The following PHKA2 variants were observed in gnomAD, a reference collection of about 807,000 sequenced individuals.
PHKA2 encodes phosphorylase kinase regulatory subunit alpha 2.
PHKA2 carries 31 observed loss-of-function variants against 102.0 expected under a neutral mutation model. That is an observed-to-expected ratio of 0.30 (90% CI 0.23 to 0.41). The LOEUF (loss-of-function observed/expected upper bound fraction) is 0.41. Among genes scored for constraint, PHKA2 ranks in the 10% least tolerant of loss-of-function variants. PHKA2 has a pLI of 1.00. For synonymous variants in PHKA2, 455 were observed against 416.2 expected, an observed-to-expected ratio of 1.09 and a Z score of -1.13; for missense variants, 858 against 1,023.1, an observed-to-expected ratio of 0.84 and a Z score of 2.20.
chrX:18,894,060 T>A (rs1275477466), intron 32 of PHKA2, 144 bp downstream of exon 32: 16 of 584,853 alleles, frequency 2.7e-5, no homozygotes, highest in Admixed American at 1.9e-4. Flanking sequence ...CACTGTACCA[T>A]TTTCTAAGCA....
At chrX:18,919,462 T>C (rs752015093) in intron 18 of PHKA2, among the ~76,000 whole-genome samples, 5 of 110,732 alleles carry the variant, frequency 4.5e-5, no homozygotes, top group Non-Finnish European at 3.8e-5. Flanking sequence ...CCCAGCACTT[T>C]GGGAGGACGA....
chrX:18,964,050 C>A (rs1370544427), intron 1 of PHKA2, among the ~76,000 whole-genome samples: 1 of 111,088 alleles, frequency 9.0e-6, no homozygotes, highest in Non-Finnish European at 1.9e-5. Flanking sequence ...TTCTCCAGTG[C>A]CTACAAGATA....
rs758348456 is a variant in PHKA2, at chrX:18,908,848, C to T, written c.2313G>A (p.Ser771=). ...GAATGTCTGCTTGGTCCTGTAGGTT[C>T]GAACAATCTTTTAGCTGCTCAACCA... ...EKLVEQLKDC[S]NLQDQADILY... is the part of the protein sequence containing the mutation. The change falls in exon 21 of 33, where the codon TCG becomes TCA. Residue 771 remains serine, a synonymous_variant. Coordinates refer to ENST00000379942, the MANE Select transcript of PHKA2 (RefSeq NM_000292.3). The T allele has an allele frequency of 7.4e-6, 9 of 1,210,100 alleles. No homozygotes were observed. The highest frequency in any genetic ancestry group is 6.5e-5 in the Admixed American group (3 of 46,014).
rs776841770 is a variant in PHKA2 at position 18,924,185 on chromosome X, G to T, written c.1715-51C>A. 6 of 977,024 alleles carry T rather than the reference G, an allele frequency of 6.1e-6. No individual in the cohort carries two copies. In the East Asian group the frequency reaches 1.8e-4, roughly 30 times the overall value. 80.5% of individuals were successfully genotyped at this position (977,024 alleles called of 1,213,427 possible). On this transcript the variant is annotated intron_variant, in intron 16 of 32. Transcript: ENST00000379942. ...TTTAGTCTGGGCAGACTTTTTTTCC[G>T]TTATGCACTGAAACATTTTCATCAA...
chrX:18,893,040 A>C lies in PHKA2; in HGVS notation c.*445T>G. On this transcript the variant is annotated 3_prime_UTR_variant, in exon 33 of 33. Coordinates refer to ENST00000379942, the MANE Select transcript of PHKA2 (RefSeq NM_000292.3). ...CACAGACAGACTGCATCCTGTGAAG[A>C]GGTGGCCCTTGTCAAGGCTACTGCC... 5.1e-6 allele frequency: 1 copy of C among 197,028 alleles called. No homozygotes were observed. The allele number at this position is 197,028 out of a possible 1,213,427, so 16.2% of individuals were successfully genotyped here. A position where few individuals can be genotyped will look rare whatever the true frequency, so the allele number is the denominator to read the frequency against.
At chrX:18,896,529 T>C (rs2147813406) in intron 30 of PHKA2, 1 of 115,347 alleles carries the variant, frequency 8.7e-6, no homozygotes, top group African/African-American at 3.2e-5. Flanking sequence ...GACCTGGGGC[T>C]AAACTGGAAG....
chrX:18,931,554 G>T, intron 12 of PHKA2, 87 bp downstream of exon 12: 1 of 664,131 alleles, frequency 1.5e-6, no homozygotes, highest in Admixed American at 2.2e-5. Flanking sequence ...CCACACGCAC[G>T]CCTGGCAGAG....
At chrX:18,955,894 T>C (rs1026250844) in intron 1 of PHKA2, among the ~76,000 whole-genome samples, 2 of 112,669 alleles carry the variant, frequency 1.8e-5, no homozygotes, top group Non-Finnish European at 3.7e-5. Flanking sequence ...GCATTCTATA[T>C]ATTGACATGG....
chrX:18,949,335 C>T (rs1434516031), intron 4 of PHKA2, among the ~76,000 whole-genome samples: 2 of 111,889 alleles, frequency 1.8e-5, no homozygotes, highest in Admixed American at 9.5e-5. Context: ...ATTCTGGAAG[C>T]TGCTATGGAT....
intron 11 of PHKA2, among the ~76,000 whole-genome samples, chrX:18,933,513 T>C (rs1004596409): frequency 7.1e-5 from 8 of 112,874 alleles, no homozygotes; most frequent in Non-Finnish European, 1.3e-4. Context: ...GAGGGCCTTA[T>C]GGTGCCCTGC....
chrX:18,938,794 C>T (rs760718596), intron 9 of PHKA2, 45 bp from the exon 10 acceptor site: 1 of 1,121,435 alleles, frequency 8.9e-7, no homozygotes, highest in Admixed American at 2.2e-5. Context: ...TGTCAGAATA[C>T]ATACATAATA....
intron 1 of PHKA2, among the ~76,000 whole-genome samples, chrX:18,964,371 G>A (rs1035836546): frequency 8.9e-6 from 1 of 112,015 alleles, no homozygotes; most frequent in African/African-American, 3.2e-5. Context: ...GGCCTCAGAC[G>A]AACCCTACCC....
intron 19 of PHKA2, among the ~76,000 whole-genome samples, chrX:18,911,625 A>G (rs1005821703): frequency 9.8e-5 from 11 of 112,348 alleles, no homozygotes; most frequent in African/African-American, 3.6e-4. Flanking sequence ...TCTTTTGAGA[A>G]GTATGGCGGC....
At chrX:18,898,070 G>A (rs1452353390) in intron 29 of PHKA2, 1 of 113,893 alleles carries the variant, frequency 8.8e-6, no homozygotes. Flanking sequence ...AGTGAAGCCC[G>A]CGTTTAGTGG....
chrX:18,968,525 G>A (rs1307765012), intron 1 of PHKA2, among the ~76,000 whole-genome samples: 4 of 111,040 alleles, frequency 3.6e-5, no homozygotes, highest in Non-Finnish European at 5.7e-5. Flanking sequence ...TTGAAATGTG[G>A]AATCTGAAAT....
In PHKA2 at chrX:18,894,321, C is replaced by T; in HGVS notation, c.3420G>A (p.Leu1140=). 1 of 1,211,374 alleles carries T rather than the reference C, an allele frequency of 8.3e-7. No individual in the cohort carries two copies. Among genetic ancestry groups the T allele is most frequent in the South Asian group, 1.8e-5 (1 of 56,989 alleles). ...GCGTCAGCACCATGATGGCTTCCAC[C>T]AGCAGCTGCCGGTACTCGGGCTGCG... is the stretch of plus-strand genomic sequence containing the variant. The part of the protein sequence containing the change: ...RVPQPEYRQL[L]VEAIMVLTLL... The change falls in exon 32 of 33, where the codon CTG becomes CTA. Residue 1140 remains leucine (L), a synonymous_variant. Coordinates refer to ENST00000379942, the MANE Select transcript of PHKA2 (RefSeq NM_000292.3).
In PHKA2 at chrX:18,892,743, C is replaced by CTTTTTT. The variant is rs879137819; in HGVS notation, c.*736_*741dup. On this transcript the variant is annotated 3_prime_UTR_variant, in exon 33 of 33. Transcript: ENST00000379942. ...TGCCTGGCTATAAGAGGAGCCTTGT[C>CTTTTTT]TTTTTTTTTTTTTTTTTCTAGATTC... 1.1e-5 allele frequency: 1 copy of CTTTTTT among 94,120 alleles called. No homozygotes were observed. The allele number at this position is 94,120 out of a possible 1,213,427, so 7.8% of individuals were successfully genotyped here.
rs773966141 is a variant in PHKA2, at chrX:18,911,276, T to G, written c.2138-316A>C. Among the ~76,000 whole-genome samples, 77 of 107,968 alleles carry G rather than the reference T, an allele frequency of 7.1e-4. No individual in the cohort carries two copies. In the South Asian group the frequency reaches 9.0e-3, roughly 13 times the overall value. The allele number at this position is 107,968 out of a possible 115,157, so 93.8% of individuals were successfully genotyped here. A position where few individuals can be genotyped will look rare whatever the true frequency, so the allele number is the denominator to read the frequency against. On this transcript the variant is annotated intron_variant, in intron 19 of 32. Coordinates refer to ENST00000379942, the MANE Select transcript of PHKA2 (RefSeq NM_000292.3). ...GCAACCTCCACCTCCCAGGTTCAAG[T>G]GATTCTCCTGCCTCGGCCTCCCAAA...
intron 1 of PHKA2, among the ~76,000 whole-genome samples, chrX:18,963,598 G>A (rs1464763164): frequency 8.9e-6 from 1 of 111,971 alleles, no homozygotes; most frequent in Non-Finnish European, 1.9e-5. Context: ...GCTGTTTGAG[G>A]TGAGTTTCTG....
Sources: gnomAD v4.1 joint callset for allele counts (sites outside exome capture counted in the v4.1 genomes callset) on GRCh38, gnomAD v4.1.1 for gene constraint, MANE v1.5 for transcripts, NCBI Gene and HGNC (gene_info 2026-07-23, HGNC 2026-07-21) for gene names.